The following SLC26A8 variants were observed in gnomAD, a reference collection of about 807,000 sequenced individuals.
SLC26A8 encodes solute carrier family 26 member 8.
In SLC26A8, 70 loss-of-function variants were observed where a neutral mutation model predicts 105.0. The ratio of observed to expected loss-of-function variants is 0.67; its 90% CI spans 0.55 to 0.81. The LOEUF (loss-of-function observed/expected upper bound fraction) is 0.81, where lower values mean the gene tolerates loss of function less well. Ranked by LOEUF, SLC26A8 falls within the 40% of genes least tolerant of loss-of-function variation. The pLI, the probability that SLC26A8 is intolerant of heterozygous loss-of-function variation, is 0.00. For missense variants in SLC26A8, 998 were observed against 1,181.8 expected (o/e 0.84, Z 2.28); for synonymous variants, 415 against 438.3 (o/e 0.95, Z 0.66).
intron 8 of SLC26A8, among the ~76,000 whole-genome samples, chr6:35,980,405 C>T (rs1175521122): frequency 6.6e-6 from 1 of 152,188 alleles, no homozygotes; most frequent in African/African-American, 2.4e-5. Context: ...GAGCAATGTG[C>T]TAAGTAATTT....
intron 3 of SLC26A8, among the ~76,000 whole-genome samples, chr6:36,010,142 A>G (rs1369595252): frequency 6.6e-6 from 1 of 152,236 alleles, no homozygotes; most frequent in African/African-American, 2.4e-5. Flanking sequence ...CTGTACGTGA[A>G]TGTTCATAGC....
intron 7 of SLC26A8, among the ~76,000 whole-genome samples, chr6:35,987,213 G>A (rs1773556208): frequency 6.6e-6 from 1 of 152,154 alleles, no homozygotes; most frequent in African/African-American, 2.4e-5. Context: ...AGTATAAGTG[G>A]GTTATGCTGT....
intron 1 of SLC26A8, among the ~76,000 whole-genome samples, chr6:36,023,703 A>T (rs1278376824): frequency 6.6e-6 from 1 of 152,150 alleles, no homozygotes; most frequent in Non-Finnish European, 1.5e-5. Flanking sequence ...TTCTATAATC[A>T]CGGAAAGGCA....
chr6:35,950,505 T>C (rs981887136), intron 19 of SLC26A8, among the ~76,000 whole-genome samples: 1 of 151,598 alleles, frequency 6.6e-6, no homozygotes, highest in African/African-American at 2.4e-5. Context: ...TAGGATGGTC[T>C]CGAACTCCTG....
chr6:35,957,015 G>A lies in SLC26A8; in HGVS notation c.1864-1495C>T, dbSNP rs190871702. On this transcript the variant is annotated intron_variant, in intron 16 of 19. Coordinates refer to ENST00000490799, the MANE Select transcript of SLC26A8 (RefSeq NM_052961.4). ...AGACAGGCAGATCACCTGAGGTTGG[G>A]AGTTCAAGACCAGCCTGACCAACAT... 7.2e-4 allele frequency among the ~76,000 whole-genome samples: 109 copies of A among 151,702 alleles called. 1 individual carries two copies. Among genetic ancestry groups the A allele is most frequent in the African/African-American group, 2.5e-3 (103 of 41,382 alleles).
chr6:36,004,820 A>ATTTTTTTTTTT (rs750395557), intron 3 of SLC26A8, among the ~76,000 whole-genome samples: 1 of 122,032 alleles, frequency 8.2e-6, no homozygotes. Flanking sequence ...ACCTAGTTAA[A>ATTTTTTTTTTT]TTTTTTTTTT....
intron 3 of SLC26A8, among the ~76,000 whole-genome samples, chr6:36,009,247 A>T (rs1761777825): frequency 6.6e-6 from 1 of 152,086 alleles, no homozygotes; most frequent in Non-Finnish European, 1.5e-5. Flanking sequence ...GCTACTCAGG[A>T]GGCTGAGGCA....
At chr6:35,985,729 G>C (rs1773490872) in intron 7 of SLC26A8, among the ~76,000 whole-genome samples, 1 of 145,710 alleles carries the variant, frequency 6.9e-6, no homozygotes, top group South Asian at 2.2e-4. Flanking sequence ...AAAGAGGGCT[G>C]CTGTCTGTTC....
intron 5 of SLC26A8, among the ~76,000 whole-genome samples, chr6:35,992,980 G>A (rs1761220540): frequency 6.6e-6 from 1 of 152,022 alleles, no homozygotes; most frequent in African/African-American, 2.4e-5. Context: ...CAGGGACAAG[G>A]TGATCAGAAC....
chr6:36,023,162 TATCCATCCATCCATCC>T (rs68186703), intron 1 of SLC26A8, among the ~76,000 whole-genome samples: 1 of 142,974 alleles, frequency 7.0e-6, no homozygotes, highest in African/African-American at 2.6e-5. Context: ...ATAGTACCCT[TATCCATCCATCCATCC>T]ATCCATCCAT....
At position 35,955,285 on chromosome 6, in the gene SLC26A8, A is replaced by T. The variant is rs550582798; in HGVS notation, c.2099T>A (p.Val700Glu). Residue 700 changes from valine to glutamate, a missense_variant, in exon 17 of 20, where the codon GTG becomes GAG. By Grantham distance (121) the Val-to-Glu change is moderately radical (BLOSUM62 -2). Transcript: ENST00000490799. ...TGATCTCCTCCCCTGGCTTTCCGCC[A>T]CATCAGGCAGTCCTGGTGAGCTGTT... ...SRNSSPGLPD[V>E]AESQGRRSLI... 2.6e-5 allele frequency: 42 copies of T among 1,614,190 alleles called. No homozygotes were observed. Among genetic ancestry groups the T allele is most frequent in the African/African-American group, 5.3e-5 (4 of 75,034 alleles).
chr6:35,990,534 G>A (rs1486192223), intron 7 of SLC26A8: 1 of 154,392 alleles, frequency 6.5e-6, no homozygotes, highest in Non-Finnish European at 1.4e-5. Flanking sequence ...TTTTAGGAAG[G>A]TCCTCTCAGT....
intron 7 of SLC26A8, among the ~76,000 whole-genome samples, chr6:35,988,060 G>T (rs1336650017): frequency 2.6e-5 from 4 of 151,738 alleles, no homozygotes; most frequent in Non-Finnish European, 5.9e-5. Flanking sequence ...ACAGGCACAC[G>T]CCACCATGCC....
At chr6:35,945,567 C>T (rs1428857814) in intron 19 of SLC26A8, among the ~76,000 whole-genome samples, 1 of 152,190 alleles carries the variant, frequency 6.6e-6, no homozygotes, top group Non-Finnish European at 1.5e-5. Context: ...GTGCCATTCC[C>T]TTTGCCTACC....
intron 3 of SLC26A8, among the ~76,000 whole-genome samples, chr6:36,009,896 G>A (rs1319821037): frequency 6.6e-6 from 1 of 152,156 alleles, no homozygotes; most frequent in Non-Finnish European, 1.5e-5. Context: ...AAACGCATGT[G>A]AATCTATAAT....
intron 14 of SLC26A8, chr6:35,960,634 G>T: frequency 1.7e-6 from 1 of 599,288 alleles, no homozygotes; most frequent in South Asian, 2.1e-5. Flanking sequence ...GTACTGTCCA[G>T]CTTGGGTGAC....
At chr6:35,994,109 T>C (rs974084227) in intron 5 of SLC26A8, among the ~76,000 whole-genome samples, 1 of 134,016 alleles carries the variant, frequency 7.5e-6, no homozygotes, top group Admixed American at 8.1e-5. Flanking sequence ...CCCTTTTTTT[T>C]TCTTTTCTTT....
At chr6:35,953,869 C>A (rs1771962350) in intron 17 of SLC26A8, among the ~76,000 whole-genome samples, 1 of 152,116 alleles carries the variant, frequency 6.6e-6, no homozygotes, top group African/African-American at 2.4e-5. Context: ...TTGCCCCAGA[C>A]CAAAGAGAAG....
intron 8 of SLC26A8, among the ~76,000 whole-genome samples, chr6:35,980,874 G>T (rs559549590): frequency 6.6e-6 from 1 of 152,094 alleles, no homozygotes; most frequent in South Asian, 2.1e-4. Context: ...TTAGCCAGGC[G>T]TGGTGGCAGG....
Sources: gnomAD v4.1 joint callset for allele counts (sites outside exome capture counted in the v4.1 genomes callset) on GRCh38, gnomAD v4.1.1 for gene constraint, MANE v1.5 for transcripts, NCBI Gene and HGNC (gene_info 2026-07-23, HGNC 2026-07-21) for gene names.